OLA1: variants seen among roughly 807,000 people sequenced by gnomAD.
OLA1 encodes Obg like ATPase 1.
Under a neutral mutation model 48.4 loss-of-function variants are expected in OLA1, and 14 were observed. The observed-to-expected ratio is 0.29, with a 90% CI of 0.19 to 0.45. OLA1 has a LOEUF of 0.45. Among genes scored for constraint, OLA1 ranks in the 20% least tolerant of loss-of-function variants. OLA1 has a pLI of 1.00. For synonymous variants in OLA1, 127 were observed against 150.4 expected, an observed-to-expected ratio of 0.84 and a Z score of 1.14; for missense variants, 325 against 467.1, an observed-to-expected ratio of 0.70 and a Z score of 2.80.
chr2:174,133,219 T>C (rs1445309011), intron 5 of OLA1, among the ~76,000 whole-genome samples: 1 of 152,176 alleles, frequency 6.6e-6, no homozygotes, highest in East Asian at 1.9e-4. Flanking sequence ...CAATGGTTCG[T>C]TCGATTTAAG....
chr2:174,195,586 T>C (rs1687863835), intron 4 of OLA1, among the ~76,000 whole-genome samples: 1 of 152,190 alleles, frequency 6.6e-6, no homozygotes, highest in Non-Finnish European at 1.5e-5. Flanking sequence ...AAATATAAAG[T>C]TCTCATTTAG....
At chr2:174,088,471 C>T in intron 7 of OLA1, among the ~76,000 whole-genome samples, 1 of 152,262 alleles carries the variant, frequency 6.6e-6, no homozygotes, top group Middle Eastern at 3.4e-3. Context: ...AAACAATATA[C>T]AAACTAAAAT....
At chr2:174,229,769 T>C (rs1688688548) in intron 2 of OLA1, among the ~76,000 whole-genome samples, 1 of 152,216 alleles carries the variant, frequency 6.6e-6, no homozygotes, top group South Asian at 2.1e-4. Context: ...TTCCATAATA[T>C]ACCTGATCGT....
chr2:174,247,946 G>C (rs998456354), intron 1 of OLA1: 1 of 781,174 alleles, frequency 1.3e-6, no homozygotes, highest in Non-Finnish European at 2.0e-6. Context: ...AACTAAAACT[G>C]TCCCAGTCTT....
At chr2:174,145,097 C>T (rs1293312626) in intron 4 of OLA1, among the ~76,000 whole-genome samples, 2 of 149,878 alleles carry the variant, frequency 1.3e-5, no homozygotes, top group Admixed American at 6.7e-5. Context: ...GAGGATGCTT[C>T]TACCTCTCAG....
chr2:174,085,322 G>A lies in OLA1; in HGVS notation c.729-3258C>T, dbSNP rs140575726. On this transcript the variant is annotated intron_variant, in intron 7 of 10. Transcript: ENST00000284719. ...GCACAGCAGGAGGTGAGTGGGGAACGAGCATCACCACTTGAGCCCTGCCTC... is the reference window on the plus strand; with the variant it reads ...GCACAGCAGGAGGTGAGTGGGGAACAAGCATCACCACTTGAGCCCTGCCTC... 6.6e-4 allele frequency among the ~76,000 whole-genome samples: 100 copies of A among 152,286 alleles called. 1 individual carries two copies. The East Asian group carries it at 0.016, about 25-fold the overall frequency.
chr2:174,117,287 T>G (rs908731779), intron 7 of OLA1, among the ~76,000 whole-genome samples: 4 of 152,318 alleles, frequency 2.6e-5, no homozygotes, highest in Admixed American at 6.5e-5. Flanking sequence ...ACAGAACACA[T>G]TTTATATGAA....
Position 174,144,964 on chromosome 2 carries a change from A to G in OLA1, c.374-2964T>C, listed in dbSNP as rs1214849253. 2.4e-5 allele frequency among the ~76,000 whole-genome samples: 3 copies of G among 126,864 alleles called. 1 individual carries two copies. In the East Asian group the frequency reaches 7.6e-4, roughly 32 times the overall value. The allele number at this position is 126,864 out of a possible 152,430, so 83.2% of individuals were successfully genotyped here. A position where few individuals can be genotyped will look rare whatever the true frequency, so the allele number is the denominator to read the frequency against. On this transcript the variant is annotated intron_variant, in intron 4 of 10. Transcript: ENST00000284719. ...AAAAAAAAAAAAAATATATATATAT[A>G]TATATATATATATATATAATCACGG...
At chr2:174,089,046 G>C (rs1046282424) in intron 7 of OLA1, among the ~76,000 whole-genome samples, 4 of 151,972 alleles carry the variant, frequency 2.6e-5, no homozygotes, top group Admixed American at 1.3e-4. Context: ...GTGTGTGATA[G>C]AAATGCAGGA....
chr2:174,200,221 T>C (rs1304027732), intron 4 of OLA1, among the ~76,000 whole-genome samples: 1 of 152,158 alleles, frequency 6.6e-6, no homozygotes, highest in African/African-American at 2.4e-5. Context: ...CCCTTAATAA[T>C]TTTAAAAGTT....
intron 4 of OLA1, among the ~76,000 whole-genome samples, chr2:174,210,184 C>T (rs755076020): frequency 6.6e-6 from 1 of 152,096 alleles, no homozygotes; most frequent in Non-Finnish European, 1.5e-5. Context: ...TCACTTTCTA[C>T]ATTATATCTA....
chr2:174,217,329 G>T (rs1688384862), intron 4 of OLA1, among the ~76,000 whole-genome samples: 1 of 151,888 alleles, frequency 6.6e-6, no homozygotes, highest in Non-Finnish European at 1.5e-5. Flanking sequence ...CTCCCAAAGT[G>T]CTAGGATTAC....
chr2:174,241,892 T>C (rs1209821231), intron 2 of OLA1, among the ~76,000 whole-genome samples: 3 of 152,234 alleles, frequency 2.0e-5, no homozygotes, highest in Non-Finnish European at 4.4e-5. Flanking sequence ...TGCCTCAGCC[T>C]CCCAAAGTGC....
chr2:174,209,023 C>T (rs1334641035), intron 4 of OLA1, among the ~76,000 whole-genome samples: 1 of 152,148 alleles, frequency 6.6e-6, no homozygotes, highest in African/African-American at 2.4e-5. Flanking sequence ...GGCATGGTGG[C>T]GCATGACTGT....
At chr2:174,103,105 T>C (rs529404015) in intron 7 of OLA1, among the ~76,000 whole-genome samples, 1 of 152,144 alleles carries the variant, frequency 6.6e-6, no homozygotes, top group African/African-American at 2.4e-5. Flanking sequence ...GAACATCCAC[T>C]GAGGGAGGAA....
intron 7 of OLA1, among the ~76,000 whole-genome samples, chr2:174,090,911 G>A (rs562852220): frequency 1.2e-4 from 19 of 152,264 alleles, no homozygotes; most frequent in Admixed American, 1.2e-3. Context: ...ATCTCCTTGA[G>A]AGCCTTCCCT....
intron 4 of OLA1, among the ~76,000 whole-genome samples, chr2:174,162,940 G>A (rs141374443): frequency 6.8e-4 from 104 of 152,244 alleles, no homozygotes; most frequent in African/African-American, 2.4e-3. Flanking sequence ...AGCTACTCAG[G>A]AGGCTGAGGT....
At chr2:174,222,292 C>G (rs139083679) in intron 4 of OLA1, among the ~76,000 whole-genome samples, 1 of 152,116 alleles carries the variant, frequency 6.6e-6, no homozygotes, top group Non-Finnish European at 1.5e-5. Flanking sequence ...TAAATGCTTA[C>G]TCTCAGTTAC....
chr2:174,084,782 A>G (rs1395172521), intron 7 of OLA1, among the ~76,000 whole-genome samples: 1 of 152,256 alleles, frequency 6.6e-6, no homozygotes, highest in Non-Finnish European at 1.5e-5. Context: ...TACCACTACT[A>G]GAAAAACAAT....
Sources: gnomAD v4.1 joint callset for allele counts (sites outside exome capture counted in the v4.1 genomes callset) on GRCh38, gnomAD v4.1.1 for gene constraint, MANE v1.5 for transcripts, NCBI Gene and HGNC (gene_info 2026-07-23, HGNC 2026-07-21) for gene names.